LOC128092252: variants seen among roughly 807,000 people sequenced by gnomAD.
the LOC128092252 span, among the ~76,000 whole-genome samples, chr15:50,674,180 G>T: frequency 6.6e-6 from 1 of 151,920 alleles, no homozygotes; most frequent in Non-Finnish European, 1.5e-5. Flanking sequence ...GTAGAGATGG[G>T]GTTTCACCAT....
chr15:50,657,729 T>C, the LOC128092252 span: 2 of 1,483,376 alleles, frequency 1.3e-6, no homozygotes, highest in Middle Eastern at 1.7e-4. Flanking sequence ...TTCTAATAGA[T>C]TAGTTTTATT....
the LOC128092252 span, among the ~76,000 whole-genome samples, chr15:50,662,124 G>A: frequency 1.3e-5 from 2 of 152,144 alleles, no homozygotes; most frequent in Non-Finnish European, 2.9e-5. Flanking sequence ...GGAGGCCAAG[G>A]CAGGTGGATC....
the LOC128092252 span, among the ~76,000 whole-genome samples, chr15:50,651,444 G>C: frequency 6.6e-6 from 1 of 151,716 alleles, no homozygotes; most frequent in Admixed American, 6.6e-5. Context: ...AGGAGATCGA[G>C]ACCATCCTGG....
chr15:50,678,254 AAAACAAAAAC>A, the LOC128092252 span, among the ~76,000 whole-genome samples: 3 of 134,634 alleles, frequency 2.2e-5, no homozygotes, highest in South Asian at 4.6e-4. Flanking sequence ...AAAAAAAACA[AAAACAAAAAC>A]AAAAACAAAA....
chr15:50,668,487 C>T, the LOC128092252 span, among the ~76,000 whole-genome samples: 5 of 152,044 alleles, frequency 3.3e-5, no homozygotes, highest in African/African-American at 1.2e-4. Flanking sequence ...GTACTCTTAA[C>T]TTATGGCAAT....
the LOC128092252 span, chr15:50,657,908 A>G: frequency 1.0e-6 from 1 of 976,362 alleles, no homozygotes; most frequent in African/African-American, 1.7e-5. Flanking sequence ...ACAAAACAAA[A>G]AAAATTATAT....
chr15:50,658,592 T>C, the LOC128092252 span, among the ~76,000 whole-genome samples: 3 of 151,566 alleles, frequency 2.0e-5, no homozygotes, highest in African/African-American at 7.3e-5. Context: ...AAAAAGACAT[T>C]ATCTTGGCAA....
the LOC128092252 span, among the ~76,000 whole-genome samples, chr15:50,672,501 T>C: frequency 3.3e-5 from 5 of 151,962 alleles, no homozygotes; most frequent in Non-Finnish European, 5.9e-5. Context: ...AGATGAGAGG[T>C]GGAAGACAAT....
chr15:50,679,538 A>ATATATATATATT, the LOC128092252 span, among the ~76,000 whole-genome samples: 3 of 43,900 alleles, frequency 6.8e-5, no homozygotes, highest in African/African-American at 3.2e-4. Flanking sequence ...ATATATATAT[A>ATATATATATATT]TTTTTTTTTT....
chr15:50,661,406 T>C, the LOC128092252 span, among the ~76,000 whole-genome samples: 291 of 152,336 alleles, frequency 1.9e-3, 1 homozygote, highest in African/African-American at 6.4e-3. Context: ...CCACCAAATG[T>C]TATTAATAAT....
At chr15:50,651,882 T>C in the LOC128092252 span, among the ~76,000 whole-genome samples, 3 of 151,770 alleles carry the variant, frequency 2.0e-5, no homozygotes, top group East Asian at 5.8e-4. Flanking sequence ...GCAAGATTCC[T>C]TCTCAAAATA....
At chr15:50,669,239 C>T in the LOC128092252 span, among the ~76,000 whole-genome samples, 2 of 151,456 alleles carry the variant, frequency 1.3e-5, no homozygotes, top group South Asian at 4.2e-4. Flanking sequence ...GTCTGGAGTT[C>T]GAGACCAGCC....
the LOC128092252 span, chr15:50,662,862 A>G: frequency 2.4e-6 from 2 of 820,936 alleles, no homozygotes; most frequent in Non-Finnish European, 2.0e-6. Context: ...AGTAACAGTA[A>G]GTACAAATAA....
chr15:50,648,871 C>A, the LOC128092252 span: 1 of 1,604,234 alleles, frequency 6.2e-7, no homozygotes, highest in South Asian at 1.1e-5. Context: ...CTTGACCAAG[C>A]GACCACAAAA....
At chr15:50,660,684 C>T in the LOC128092252 span, among the ~76,000 whole-genome samples, 7 of 152,144 alleles carry the variant, frequency 4.6e-5, no homozygotes, top group Non-Finnish European at 7.3e-5. Flanking sequence ...CTACTTATCA[C>T]GTTTTCTTGA....
chr15:50,656,128 A>C, the LOC128092252 span, among the ~76,000 whole-genome samples: 3 of 152,220 alleles, frequency 2.0e-5, no homozygotes, highest in Non-Finnish European at 4.4e-5. Context: ...AAACTGAGAA[A>C]ATTCATGTTC....
the LOC128092252 span, chr15:50,657,728 A>T: frequency 2.7e-6 from 4 of 1,478,026 alleles, no homozygotes; most frequent in Non-Finnish European, 3.8e-6. Flanking sequence ...TTTCTAATAG[A>T]TTAGTTTTAT....
At chr15:50,685,024 C>A in the LOC128092252 span, among the ~76,000 whole-genome samples, 1 of 152,080 alleles carries the variant, frequency 6.6e-6, no homozygotes, top group Admixed American at 6.6e-5. Flanking sequence ...ATAAAGTATC[C>A]ATAAATGACA....
chr15:50,680,083 T>C, the LOC128092252 span, among the ~76,000 whole-genome samples: 1 of 151,532 alleles, frequency 6.6e-6, no homozygotes, highest in Non-Finnish European at 1.5e-5. Context: ...AAAATACAAA[T>C]ATTAGCTGGG....
Sources: gnomAD v4.1 joint callset for allele counts (sites outside exome capture counted in the v4.1 genomes callset) on GRCh38, gnomAD v4.1.1 for gene constraint, MANE v1.5 for transcripts.